Variants in CASZ1 observed in about 807,000 individuals in gnomAD.
CASZ1 encodes the protein zinc finger protein castor homolog 1.
Under a neutral mutation model 135.2 loss-of-function variants are expected in CASZ1, and 28 were observed. That is an observed-to-expected ratio of 0.21 (90% CI 0.15 to 0.28). The LOEUF (loss-of-function observed/expected upper bound fraction) is 0.28, where lower values mean the gene tolerates loss of function less well. CASZ1 is among the 10% of genes least tolerant of loss of function. CASZ1 has a pLI of 1.00. For synonymous variants in CASZ1, 1,068 were observed against 1,073.4 expected (o/e 0.99, Z 0.10); for missense variants, 2,161 against 2,453.3 (o/e 0.88, Z 2.52).
At chr1:10,731,080 T>C (rs1639694810) in intron 2 of CASZ1, among the ~76,000 whole-genome samples, 1 of 150,912 alleles carries the variant, frequency 6.6e-6, no homozygotes. Flanking sequence ...CACACCAGCT[T>C]GGGCGACAGA....
intron 2 of CASZ1, among the ~76,000 whole-genome samples, chr1:10,732,095 C>T (rs995689722): frequency 3.3e-5 from 5 of 151,644 alleles, no homozygotes; most frequent in Admixed American, 2.0e-4. Context: ...GAGGGTGAGG[C>T]GGGAGGGTCA....
At chr1:10,754,160 C>T (rs1167842050) in intron 2 of CASZ1, among the ~76,000 whole-genome samples, 1 of 152,250 alleles carries the variant, frequency 6.6e-6, no homozygotes, top group Non-Finnish European at 1.5e-5. Flanking sequence ...GACCCCTTCC[C>T]TGGGAGCCAC....
chr1:10,779,752 T>G (rs1193290520), intron 1 of CASZ1, among the ~76,000 whole-genome samples: 1 of 152,202 alleles, frequency 6.6e-6, no homozygotes, highest in African/African-American at 2.4e-5. Context: ...TAAACATTTT[T>G]CCATGTTTCG....
At chr1:10,785,057 GTCTCTC>G (rs111606813) in intron 1 of CASZ1, among the ~76,000 whole-genome samples, 1 of 146,820 alleles carries the variant, frequency 6.8e-6, no homozygotes, top group Non-Finnish European at 1.5e-5. Context: ...CTTTCTTTCT[GTCTCTC>G]TCTCTCTCTC....
rs939830964 is a variant in CASZ1 at position 10,755,203 on chromosome 1, G to A, written c.-77+5498C>T. ...ATCACTGGCCGCCTCATGCCTCAGGGTGGTGGCTCTGGGCCTAAGGGCCTT... is the reference window on the plus strand; with the variant it reads ...ATCACTGGCCGCCTCATGCCTCAGGATGGTGGCTCTGGGCCTAAGGGCCTT... On this transcript the variant is annotated intron_variant, in intron 2 of 20. Coordinates refer to ENST00000377022, the MANE Select transcript of CASZ1 (RefSeq NM_001079843.3). The surrounding 1 kb of genome is among the most constrained non-coding windows in gnomAD (Gnocchi z 4.3). Among the ~76,000 whole-genome samples the A allele has an allele frequency of 1.3e-5, 2 of 152,234 alleles. No homozygotes were observed. Among genetic ancestry groups the A allele is most frequent in the Non-Finnish European group, 2.9e-5 (2 of 68,046 alleles).
chr1:10,657,992 C>CTTTT lies in CASZ1; in HGVS notation c.1409+515_1409+516insAAAA, dbSNP rs1557476003. The CTTTT allele has an allele frequency of 6.7e-6, 1 of 149,788 alleles. No homozygotes were observed. 9.3% of individuals were successfully genotyped at this position (149,788 alleles called of 1,614,324 possible). A position where few individuals can be genotyped will look rare whatever the true frequency, so the allele number is the denominator to read the frequency against. ...CCACACCTTCTCTCTCGCTTTCTCT[C>CTTTT]TCTCTTTTTTTTTTTTTTTTTAAAG... On this transcript the variant is annotated intron_variant, in intron 7 of 20. Transcript: ENST00000377022. The surrounding 1 kb of genome is among the most constrained non-coding windows in gnomAD (Gnocchi z 5.7).
chr1:10,761,817 G>A (rs1046632967), intron 1 of CASZ1, among the ~76,000 whole-genome samples: 7 of 152,220 alleles, frequency 4.6e-5, no homozygotes, highest in Non-Finnish European at 1.0e-4. Context: ...CCTCGTGGAT[G>A]TGAGAATGGG....
intron 2 of CASZ1, among the ~76,000 whole-genome samples, chr1:10,750,421 C>T (rs1640128915): frequency 6.6e-6 from 1 of 152,242 alleles, no homozygotes. Context: ...GGTAGGACTA[C>T]AGGTGCGTGC....
intron 18 of CASZ1, among the ~76,000 whole-genome samples, chr1:10,644,212 C>A (rs1192052123): frequency 6.6e-6 from 1 of 152,196 alleles, no homozygotes; most frequent in African/African-American, 2.4e-5. Flanking sequence ...GGGTTCTGGT[C>A]TCTTCCTAGG....
chr1:10,768,809 A>G lies in CASZ1; in HGVS notation c.-233-7952T>C, dbSNP rs369503035. Among the ~76,000 whole-genome samples the G allele has an allele frequency of 1.1e-4, 16 of 152,232 alleles. No individual in the cohort carries two copies. The East Asian group carries it at 2.3e-3, about 22-fold the overall frequency. On this transcript the variant is annotated intron_variant, in intron 1 of 20. Coordinates refer to ENST00000377022, the MANE Select transcript of CASZ1 (RefSeq NM_001079843.3). The stretch of plus-strand genomic sequence containing the variant: ...AGGAGGCAGAAACCGCTGGTGACCA[A>G]TCAGAGCCCAGAGGATGCACCAACC...
chr1:10,681,186 C>T (rs1570467237), intron 4 of CASZ1, among the ~76,000 whole-genome samples: 1 of 151,792 alleles, frequency 6.6e-6, no homozygotes, highest in Non-Finnish European at 1.5e-5. Flanking sequence ...TAGGCAGGAG[C>T]CACCGTGCCT....
In CASZ1 at chr1:10,691,672, A is replaced by G. The variant is rs537037122; in HGVS notation, c.16+2202T>C. Among the ~76,000 whole-genome samples the G allele has an allele frequency of 6.7e-4, 102 of 152,306 alleles. 1 individual carries two copies. Among genetic ancestry groups the G allele is most frequent in the African/African-American group, 2.4e-3 (101 of 41,578 alleles). ...GCCCCAGCTGTATGCCGTGTGCACT[A>G]TGAAGTTGAGGGAGCTGTTCCCAGC... On this transcript the variant is annotated intron_variant, in intron 4 of 20. Transcript: ENST00000377022.
chr1:10,786,350 C>T (rs183369148), intron 1 of CASZ1, among the ~76,000 whole-genome samples: 8 of 152,300 alleles, frequency 5.3e-5, no homozygotes, highest in Admixed American at 3.3e-4. Flanking sequence ...CCCCTCCAGA[C>T]CCAGCAGCAA....
intron 15 of CASZ1, 91 bp from the exon 16 acceptor site, chr1:10,648,230 G>T: frequency 1.1e-6 from 1 of 929,444 alleles, no homozygotes; most frequent in Non-Finnish European, 1.6e-6. Context: ...CCTAGACCCC[G>T]GTGTCCGTCC....
chr1:10,782,782 G>A (rs1019822687), intron 1 of CASZ1, among the ~76,000 whole-genome samples: 4 of 152,238 alleles, frequency 2.6e-5, no homozygotes, highest in East Asian at 1.9e-4. Flanking sequence ...GGGCTGGGCC[G>A]TCCCTGGGAG....
At chr1:10,648,914 T>C in intron 15 of CASZ1, 156 bp downstream of exon 15, 1 of 1,036,122 alleles carries the variant, frequency 9.7e-7, no homozygotes, top group South Asian at 1.6e-5. Context: ...TGAAGGAGGA[T>C]GGGAAGCCCA....
At chr1:10,643,950 G>A (rs2124669362) in intron 18 of CASZ1, among the ~76,000 whole-genome samples, 1 of 152,366 alleles carries the variant, frequency 6.6e-6, no homozygotes, top group Non-Finnish European at 1.5e-5. Context: ...GGACAGCACA[G>A]GCCGCAAGTG....
chr1:10,781,203 C>A lies in CASZ1; in HGVS notation c.-234+15361G>T, dbSNP rs149545580. 5.4e-3 allele frequency among the ~76,000 whole-genome samples: 828 copies of A among 152,360 alleles called. 9 individuals are homozygous for A. Among genetic ancestry groups the A allele is most frequent in the African/African-American group, 0.019 (795 of 41,588 alleles). ...GGAGGAGAGAAGCTCCTCCTTCGACCTTCTCCACTAGCACAGGCCCAGGCC... is the reference window on the plus strand; with the variant it reads ...GGAGGAGAGAAGCTCCTCCTTCGACATTCTCCACTAGCACAGGCCCAGGCC... On this transcript the variant is annotated intron_variant, in intron 1 of 20. Transcript: ENST00000377022.
At chr1:10,649,752 C>T (rs947030823) in intron 13 of CASZ1, 14 of 277,756 alleles carry the variant, frequency 5.0e-5, no homozygotes, top group African/African-American at 1.5e-4. Flanking sequence ...CCCCAGACTT[C>T]GCGGCTCCCT....
Sources: gnomAD v4.1 joint callset for allele counts (sites outside exome capture counted in the v4.1 genomes callset) on GRCh38, gnomAD v4.1.1 for gene constraint, Gnocchi (gnomAD v3.1) non-coding constraint, MANE v1.5 for transcripts, NCBI Gene and HGNC (gene_info 2026-07-23, HGNC 2026-07-21) for gene names.